CACNB2: variants seen among roughly 807,000 people sequenced by gnomAD.
CACNB2 encodes voltage-dependent L-type calcium channel subunit beta-2.
CACNB2 carries 42 observed loss-of-function variants against 73.3 expected under a neutral mutation model. The ratio of observed to expected loss-of-function variants is 0.57; its 90% confidence interval spans 0.45 to 0.74. The LOEUF is 0.74. CACNB2 is among the 30% of genes least tolerant of loss of function. The pLI, the probability that CACNB2 is intolerant of heterozygous loss-of-function variation, is 0.00. For synonymous variants in CACNB2, 348 were observed against 310.3 expected, an observed-to-expected ratio of 1.12 and a Z score of -1.28; for missense variants, 940 against 853.0, an observed-to-expected ratio of 1.10 and a Z score of -1.27.
At chr10:18,202,777 TA>T in intron 2 of CACNB2, among the ~76,000 whole-genome samples, 1 of 152,350 alleles carries the variant, frequency 6.6e-6, no homozygotes. Flanking sequence ...ATCTGGAATG[TA>T]GTAACGTCAA....
intron 6 of CACNB2, among the ~76,000 whole-genome samples, chr10:18,511,365 G>A (rs560477726): frequency 2.4e-4 from 36 of 152,260 alleles, no homozygotes; most frequent in African/African-American, 8.4e-4. Context: ...AATTAAATAA[G>A]AGAGCCTAGT....
chr10:18,205,241 A>G (rs1202458742), intron 2 of CACNB2, among the ~76,000 whole-genome samples: 2 of 152,180 alleles, frequency 1.3e-5, no homozygotes, highest in African/African-American at 2.4e-5. Context: ...CCTCTGCACT[A>G]TTGGGAAGGT....
intron 2 of CACNB2, among the ~76,000 whole-genome samples, chr10:18,250,447 T>C (rs2037043843): frequency 6.6e-6 from 1 of 152,176 alleles, no homozygotes. Flanking sequence ...GTTGTCTGAC[T>C]CCTTCACTTT....
At chr10:18,197,407 T>G (rs2034674219) in intron 2 of CACNB2, among the ~76,000 whole-genome samples, 1 of 152,192 alleles carries the variant, frequency 6.6e-6, no homozygotes, top group Admixed American at 6.5e-5. Context: ...ATAAAGAATT[T>G]TATTGGCTGA....
At chr10:18,158,554 C>T (rs1460144198) in intron 2 of CACNB2, among the ~76,000 whole-genome samples, 4 of 152,042 alleles carry the variant, frequency 2.6e-5, no homozygotes, top group Admixed American at 2.0e-4. Flanking sequence ...TTTCATTTAT[C>T]ATTGTAATAA....
chr10:18,181,597 ATTTTATT>A (rs2033886892), intron 2 of CACNB2, among the ~76,000 whole-genome samples: 1 of 143,624 alleles, frequency 7.0e-6, no homozygotes, highest in South Asian at 2.2e-4. Context: ...ATTTTATTTT[ATTTTATT>A]TTATTTTATT....
At chr10:18,387,777 G>A (rs1012506315) in intron 2 of CACNB2, among the ~76,000 whole-genome samples, 1 of 149,286 alleles carries the variant, frequency 6.7e-6, no homozygotes, top group Non-Finnish European at 1.5e-5. Flanking sequence ...TTTTTTTAGC[G>A]ACAGGCTCTC....
At chr10:18,497,900 T>C (rs1268467571) in intron 3 of CACNB2, among the ~76,000 whole-genome samples, 2 of 152,230 alleles carry the variant, frequency 1.3e-5, no homozygotes, top group African/African-American at 4.8e-5. Context: ...CCGGCTCTTT[T>C]CTCATTCAAT....
At chr10:18,469,607 T>C (rs2048076774) in intron 3 of CACNB2, among the ~76,000 whole-genome samples, 1 of 152,214 alleles carries the variant, frequency 6.6e-6, no homozygotes, top group Admixed American at 6.5e-5. Context: ...GGAAAACTTA[T>C]TTAGACTGTA....
intron 6 of CACNB2, among the ~76,000 whole-genome samples, chr10:18,512,207 A>G (rs549703680): frequency 2.0e-5 from 3 of 152,334 alleles, no homozygotes; most frequent in South Asian, 2.1e-4. Context: ...AACCAGTGGC[A>G]TATCCTCTTG....
rs1237669118 is a variant in CACNB2 at position 18,536,190 on chromosome 10, T to C, written c.1296T>C (p.Cys432=). ...QMVAADKLAQ[C]PPELFDVILD... Reference sequence around the variant, plus strand: ...TAGCAGCTGATAAACTGGCTCAGTGTCCTCCAGTAAGTTATCTCTATATAC... The same window carrying C: ...TAGCAGCTGATAAACTGGCTCAGTGCCCTCCAGTAAGTTATCTCTATATAC... Residue 432 remains cysteine (C), a synonymous_variant, in exon 12 of 14, where the codon TGT becomes TGC. Transcript: ENST00000324631. 3.2e-6 allele frequency: 5 copies of C among 1,556,858 alleles called. No individual in the cohort carries two copies. Among genetic ancestry groups the C allele is most frequent in the Non-Finnish European group, 2.6e-6 (3 of 1,136,824 alleles).
chr10:18,146,143 C>T (rs1216021944), intron 1 of CACNB2, among the ~76,000 whole-genome samples: 3 of 152,016 alleles, frequency 2.0e-5, no homozygotes, highest in Admixed American at 2.0e-4. Context: ...AGGATCTTAC[C>T]CTTAGCTTAT....
rs183946135 is a variant in CACNB2 at position 18,410,444 on chromosome 10, C to G, written c.333+8401C>G. ...AGATTGAGAGAATTCCCCTAACTAG[C>G]CTTTGAAGAAGAAAGAAGAAACATG... is the stretch of plus-strand genomic sequence containing the variant. On this transcript the variant is annotated intron_variant, in intron 3 of 13. Coordinates refer to ENST00000324631, the MANE Select transcript of CACNB2 (RefSeq NM_201596.3). Among the ~76,000 whole-genome samples the G allele has an allele frequency of 2.7e-3, 416 of 152,196 alleles. 2 individuals are homozygous for G. Among genetic ancestry groups the G allele is most frequent in the Admixed American group, 7.8e-3 (119 of 15,280 alleles).
chr10:18,520,183 C>T (rs1326121730), intron 9 of CACNB2: 1 of 160,266 alleles, frequency 6.2e-6, no homozygotes, highest in Non-Finnish European at 1.4e-5. Context: ...ATTATCACTA[C>T]TAAGATGTCT....
intron 2 of CACNB2, among the ~76,000 whole-genome samples, chr10:18,359,736 A>T (rs2042069263): frequency 1.3e-5 from 2 of 151,758 alleles, no homozygotes; most frequent in Admixed American, 6.6e-5. Flanking sequence ...TATTTCTCCT[A>T]ATGCTGTCCC....
intron 3 of CACNB2, among the ~76,000 whole-genome samples, chr10:18,453,194 C>G (rs769155513): frequency 2.6e-5 from 4 of 152,212 alleles, no homozygotes; most frequent in Non-Finnish European, 5.9e-5. Flanking sequence ...CTGATTTTCT[C>G]TCCCCACGAC....
intron 2 of CACNB2, among the ~76,000 whole-genome samples, chr10:18,374,105 G>A (rs1455638223): frequency 6.6e-6 from 1 of 152,224 alleles, no homozygotes; most frequent in Non-Finnish European, 1.5e-5. Context: ...GCTATACAGT[G>A]ATTAAAGACA....
At chr10:18,400,639 AGTTT>A in intron 2 of CACNB2, 1 of 929,056 alleles carries the variant, frequency 1.1e-6, no homozygotes, top group Non-Finnish European at 1.2e-6. Context: ...TTTTTGCACT[AGTTT>A]TTTTTTTTTT....
intron 3 of CACNB2, among the ~76,000 whole-genome samples, chr10:18,479,555 A>G (rs554663723): frequency 3.3e-5 from 5 of 152,266 alleles, no homozygotes; most frequent in Admixed American, 3.3e-4. Flanking sequence ...CAAATCTCAC[A>G]TTGAATGGTA....
Sources: allele counts gnomAD v4.1 joint callset (sites outside exome capture counted in the v4.1 genomes callset), GRCh38; gene constraint gnomAD v4.1.1; transcripts MANE v1.5; gene names NCBI Gene and HGNC (gene_info 2026-07-23, HGNC 2026-07-21).